Variants in TLL2 observed in about 807,000 individuals in gnomAD.
TLL2 encodes tolloid-like protein 2.
A neutral mutation model predicts 123.0 loss-of-function variants in TLL2; 106 were observed. The observed-to-expected ratio is 0.86, with a 90% CI of 0.74 to 1.01. The LOEUF is 1.01. Among genes scored for constraint, TLL2 ranks in the 50% least tolerant of loss-of-function variants. The pLI, the probability that TLL2 is intolerant of heterozygous loss-of-function variation, is 0.00. For synonymous variants in TLL2, 494 were observed against 516.8 expected (o/e 0.96, Z 0.60); for missense variants, 1,332 against 1,336.7 (o/e 1.00, Z 0.06).
chr10:96,395,687 G>T (rs761009245), intron 12 of TLL2, among the ~76,000 whole-genome samples, 188 bp downstream of exon 12: 2 of 152,152 alleles, frequency 1.3e-5, no homozygotes, highest in Non-Finnish European at 2.9e-5. Flanking sequence ...CCTCAGAAAG[G>T]TGTCAAACCC....
chr10:96,443,779 C>A (rs1428526092), intron 3 of TLL2, among the ~76,000 whole-genome samples: 1 of 152,184 alleles, frequency 6.6e-6, no homozygotes, highest in East Asian at 1.9e-4. Context: ...AAGTGAAGGA[C>A]CATTGAGTAC....
At chr10:96,487,094 A>C (rs1428554854) in intron 1 of TLL2, among the ~76,000 whole-genome samples, 1 of 152,238 alleles carries the variant, frequency 6.6e-6, no homozygotes, top group Non-Finnish European at 1.5e-5. Flanking sequence ...TTCCAATCCC[A>C]GTGCCATCAC....
intron 18 of TLL2, among the ~76,000 whole-genome samples, chr10:96,374,971 G>GA (rs1846123835): frequency 6.9e-6 from 1 of 144,564 alleles, no homozygotes; most frequent in Non-Finnish European, 1.5e-5. Context: ...CGGGGGGGGG[G>GA]GGGGGGTGTC....
chr10:96,438,535 T>C (rs578088745), intron 3 of TLL2, among the ~76,000 whole-genome samples: 44 of 152,358 alleles, frequency 2.9e-4, no homozygotes, highest in African/African-American at 1.0e-3. Flanking sequence ...AGGAGGTTTT[T>C]GGGCTTTTCT....
Position 96,393,946 on chromosome 10 carries a change from C to T in TLL2, c.1726+1241G>A, listed in dbSNP as rs372743424. ...TTTCTTTGGGGCTTCACAACAATTG[C>T]TTAGGTACAATGGGCAGATGTCCTT... On this transcript the variant is annotated intron_variant, in intron 13 of 20. Transcript: ENST00000357947. 1.3e-4 allele frequency among the ~76,000 whole-genome samples: 20 copies of T among 152,224 alleles called. No homozygotes were observed. The East Asian group carries it at 3.3e-3, about 25-fold the overall frequency.
chr10:96,444,870 G>A (rs1015449210), intron 3 of TLL2, among the ~76,000 whole-genome samples: 2 of 152,168 alleles, frequency 1.3e-5, no homozygotes, highest in Non-Finnish European at 2.9e-5. Context: ...ATAGGCGTCC[G>A]TGAGACATAA....
At chr10:96,481,824 G>A (rs1254773962) in intron 1 of TLL2, among the ~76,000 whole-genome samples, 1 of 152,190 alleles carries the variant, frequency 6.6e-6, no homozygotes, top group African/African-American at 2.4e-5. Flanking sequence ...AAACTTCAGG[G>A]TCTTAGAAAG....
chr10:96,386,955 T>C lies in TLL2; in HGVS notation c.1850A>G (p.Glu617Gly), dbSNP rs779804858. The C allele has an allele frequency of 3.1e-6, 5 of 1,614,108 alleles. No homozygotes were observed. In the Admixed American group the frequency reaches 8.3e-5, roughly 27 times the overall value. The stretch of plus-strand genomic sequence containing the variant: ...AGCTTGGCAGGTCCCACACCAACCT[T>C]CACACATCTTCTTATCGGCGGCCAG... ...YELAADKKMC[E>G]VACGGFITKL... Residue 617 changes from glutamate (E) to glycine (G), a missense_variant and splice_region_variant, in exon 14 of 21, where the codon GAA becomes GGA. Coordinates refer to ENST00000357947, the MANE Select transcript of TLL2 (RefSeq NM_012465.4).
At chr10:96,456,961 A>G (rs376015792) in intron 2 of TLL2, among the ~76,000 whole-genome samples, 4 of 152,220 alleles carry the variant, frequency 2.6e-5, no homozygotes, top group African/African-American at 7.2e-5. Flanking sequence ...AGGATAGAAC[A>G]TAGGAGGGAA....
chr10:96,370,364 G>A, intron 19 of TLL2, 49 bp from the exon 20 acceptor site: 2 of 1,501,624 alleles, frequency 1.3e-6, no homozygotes, highest in Non-Finnish European at 1.8e-6. Context: ...ACACCCTCGT[G>A]CCTCCCGCCT....
Position 96,384,612 on chromosome 10 carries a change from G to C in TLL2, c.2169C>G (p.Arg723=). The C allele has an allele frequency of 1.9e-6, 3 of 1,601,162 alleles. No individual in the cohort carries two copies. Among genetic ancestry groups the C allele is most frequent in the Non-Finnish European group, 2.6e-6 (3 of 1,171,120 alleles). The stretch of plus-strand genomic sequence containing the variant: ...CTGAGAAGAAGTGGGCCCTGAAGCC[G>C]CGCTTGGAGACGGTGTTGTCGGACT... ...EFKSDNTVSK[R]GFRAHFFSDK... Residue 723 remains arginine, a synonymous_variant, in exon 16 of 21, where the codon CGC becomes CGG. Coordinates refer to ENST00000357947, the MANE Select transcript of TLL2 (RefSeq NM_012465.4).
chr10:96,437,901 G>C (rs1156305667), intron 3 of TLL2, among the ~76,000 whole-genome samples: 1 of 152,128 alleles, frequency 6.6e-6, no homozygotes, highest in Non-Finnish European at 1.5e-5. Context: ...ATTTCTCTGG[G>C]ACACATATCA....
intron 1 of TLL2, among the ~76,000 whole-genome samples, chr10:96,496,706 G>A (rs1477100556): frequency 6.6e-6 from 1 of 152,200 alleles, no homozygotes; most frequent in African/African-American, 2.4e-5. Context: ...AAACACACCT[G>A]CTCAGCTAAT....
intron 11 of TLL2, among the ~76,000 whole-genome samples, chr10:96,396,364 G>A (rs920786055): frequency 3.5e-4 from 54 of 152,198 alleles, no homozygotes; most frequent in Admixed American, 2.6e-4. Flanking sequence ...CTGCGTAGCC[G>A]TGAAGTTCCC....
intron 1 of TLL2, 151 bp from the exon 2 acceptor site, chr10:96,480,610 G>T: frequency 1.5e-6 from 1 of 652,928 alleles, no homozygotes; most frequent in Non-Finnish European, 2.7e-6. Context: ...AAGAGATAGG[G>T]CTGGTGGAGG....
At position 96,368,175 on chromosome 10, in the gene TLL2, G is replaced by A. The variant is rs772631465; in HGVS notation, c.2961C>T (p.Phe987=). The A allele has an allele frequency of 1.4e-5, 23 of 1,614,246 alleles. No individual in the cohort carries two copies. Among genetic ancestry groups the A allele is most frequent in the Non-Finnish European group, 1.9e-5 (22 of 1,180,054 alleles). Residue 987 remains phenylalanine (F), a synonymous_variant, in exon 21 of 21, where the codon TTC becomes TTT. Coordinates refer to ENST00000357947, the MANE Select transcript of TLL2 (RefSeq NM_012465.4). ...YSAGDSLMIR[F]RTDDTINKKG... ...TCTTGTTGATGGTGTCATCTGTGCG[G>A]AATCGAATCATCAGGGAATCACCTG...
At position 96,401,378 on chromosome 10, in the gene TLL2, A is replaced by G. The variant is rs570770512; in HGVS notation, c.1267+3854T>C. On this transcript the variant is annotated intron_variant, in intron 10 of 20. Coordinates refer to ENST00000357947, the MANE Select transcript of TLL2 (RefSeq NM_012465.4). ...CCCCTCCCAGGGACCAGCTCGGCCG[A>G]CACAATGCACTTGTTCCAAACACAA... is the stretch of plus-strand genomic sequence containing the variant. 3.1e-3 allele frequency among the ~76,000 whole-genome samples: 466 copies of G among 152,324 alleles called. 3 individuals carry two copies. The highest frequency in any genetic ancestry group is 0.01 in the African/African-American group (428 of 41,562).
intron 3 of TLL2, among the ~76,000 whole-genome samples, chr10:96,445,151 T>G (rs1289101550): frequency 1.3e-5 from 2 of 152,134 alleles, no homozygotes; most frequent in Non-Finnish European, 2.9e-5. Flanking sequence ...ATCGCACCAC[T>G]GCACTCCAGC....
At chr10:96,487,642 C>T (rs1206783749) in intron 1 of TLL2, among the ~76,000 whole-genome samples, 5 of 152,196 alleles carry the variant, frequency 3.3e-5, no homozygotes, top group Admixed American at 2.6e-4. Context: ...ACACAGGCAT[C>T]GCTTCTTTTA....
Sources: gnomAD v4.1 joint callset for allele counts (sites outside exome capture counted in the v4.1 genomes callset) on GRCh38, gnomAD v4.1.1 for gene constraint, MANE v1.5 for transcripts, NCBI Gene and HGNC (gene_info 2026-07-23, HGNC 2026-07-21) for gene names.